Variants in OR51B5 observed in about 807,000 individuals in gnomAD.
OR51B5 encodes olfactory receptor 51B5.
For synonymous variants in OR51B5, 186 were observed against 144.8 expected (o/e 1.28, Z -2.04); for missense variants, 456 against 374.6 (o/e 1.22, Z -1.79).
chr11:5,420,241 C>A lies in OR51B5; in HGVS notation n.85-73331G>T, dbSNP rs533931836. On this transcript the variant is annotated intron_variant and non_coding_transcript_variant, in intron 1 of 4. Coordinates refer to the OR51B5 transcript ENST00000415970. ...GAATCATTTTCCAGAAATTAACATA[C>A]AAATTACACTTAAGAAAGTATGAAT... Among the ~76,000 whole-genome samples, 255 of 152,100 alleles carry A rather than the reference C, an allele frequency of 1.7e-3. 1 individual carries two copies. Among genetic ancestry groups the A allele is most frequent in the African/African-American group, 5.9e-3 (244 of 41,556 alleles).
Position 5,465,577 on chromosome 11 carries a change from C to A in OR51B5, n.84+39992G>T, listed in dbSNP as rs1245329850. 2.0e-5 allele frequency among the ~76,000 whole-genome samples: 3 copies of A among 148,572 alleles called. 1 individual carries two copies. The East Asian group carries it at 5.9e-4, about 29-fold the overall frequency. On this transcript the variant is annotated intron_variant and non_coding_transcript_variant, in intron 1 of 4. Transcript: ENST00000415970. ...AAACTATACTACAAGGCTACAGTAA[C>A]CAAAACAGCATGGTACTGGTACCAA...
chr11:5,489,008 T>C lies in OR51B5; in HGVS notation n.84+16561A>G, dbSNP rs768303436. The C allele has an allele frequency of 1.3e-5, 21 of 1,614,000 alleles. No homozygotes were observed. Among genetic ancestry groups the C allele is most frequent in the Non-Finnish European group, 1.7e-5 (20 of 1,180,014 alleles). ...GGTGAGATTTCCTTTGGTGGATGCC[T>C]GGCCCAGATGTTTTGTGTCCATTCT... On this transcript the variant is annotated intron_variant and non_coding_transcript_variant, in intron 1 of 4. Transcript: ENST00000415970.
At chr11:5,416,422 G>A (rs1698694486) in intron 1 of OR51B5, among the ~76,000 whole-genome samples, 1 of 152,066 alleles carries the variant, frequency 6.6e-6, no homozygotes, top group Admixed American at 6.6e-5. Flanking sequence ...GGAAGTTCTG[G>A]CCAGGGCAAT....
At chr11:5,357,180 C>A (rs559436680) in intron 1 of OR51B5, among the ~76,000 whole-genome samples, 2 of 152,004 alleles carry the variant, frequency 1.3e-5, no homozygotes, top group South Asian at 4.2e-4. Flanking sequence ...CACAGACGGG[C>A]AAATTAGATA....
In OR51B5 at chr11:5,438,358, C is replaced by CG. The variant is rs1240355722; in HGVS notation, n.84+67210_84+67211insC. 4.6e-5 allele frequency among the ~76,000 whole-genome samples: 7 copies of CG among 151,430 alleles called. No homozygotes were observed. The East Asian group carries it at 1.4e-3, about 30-fold the overall frequency. ...ATTCTCCAAACTTCATAGCAACACC[C>CG]CCCCCCAGTTATCCAGTCTCAAAAG... On this transcript the variant is annotated intron_variant and non_coding_transcript_variant, in intron 1 of 4. Transcript: ENST00000415970.
chr11:5,422,109 A>G (rs1363299654), intron 1 of OR51B5: 4 of 1,005,530 alleles, frequency 4.0e-6, no homozygotes, highest in African/African-American at 1.6e-5. Flanking sequence ...TTTGTGTAGA[A>G]TTTGGATTAA....
intron 1 of OR51B5, among the ~76,000 whole-genome samples, chr11:5,470,907 AAATT>A (rs1293055788): frequency 4.6e-5 from 7 of 152,196 alleles, no homozygotes; most frequent in Non-Finnish European, 1.0e-4. Context: ...CAAAGCAACC[AAATT>A]ATTTGTTTTT....
At chr11:5,388,009 C>A (rs756936248) in intron 1 of OR51B5, among the ~76,000 whole-genome samples, 6 of 151,980 alleles carry the variant, frequency 3.9e-5, no homozygotes, top group Non-Finnish European at 4.4e-5. Flanking sequence ...ATGGTAAAAA[C>A]CACAATTACT....
chr11:5,363,075 A>T (rs918769298), intron 1 of OR51B5, among the ~76,000 whole-genome samples: 4 of 152,206 alleles, frequency 2.6e-5, no homozygotes, highest in East Asian at 3.9e-4. Context: ...TGTGCTAAGT[A>T]GATGTCTGAG....
At chr11:5,411,940 C>G (rs1850154704) in intron 1 of OR51B5, among the ~76,000 whole-genome samples, 1 of 152,190 alleles carries the variant, frequency 6.6e-6, no homozygotes, top group Non-Finnish European at 1.5e-5. Flanking sequence ...CTTGAGAAAG[C>G]AAGGTGGTCC....
intron 1 of OR51B5, among the ~76,000 whole-genome samples, chr11:5,494,492 G>A (rs1260066089): frequency 1.3e-5 from 2 of 152,128 alleles, no homozygotes; most frequent in Non-Finnish European, 2.9e-5. Flanking sequence ...CTTTCTGGAG[G>A]AGCTGACATC....
At chr11:5,342,499 C>T (rs1424198794), downstream of OR51B5, 15 of 1,464,446 alleles carry the variant, frequency 1.0e-5, no homozygotes, top group Non-Finnish European at 1.4e-5. Flanking sequence ...GTCATATGAG[C>T]ATGCATGCTA....
intron 1 of OR51B5, among the ~76,000 whole-genome samples, chr11:5,483,508 TAAAA>T (rs373550440): frequency 3.1e-5 from 3 of 96,674 alleles, no homozygotes; most frequent in African/African-American, 1.2e-4. Flanking sequence ...AAAGTATAAT[TAAAA>T]AAAAAAGAAA....
At chr11:5,342,912 A>G in exon 1 of OR51B5, 1 of 1,613,976 alleles carries the variant, frequency 6.2e-7, no homozygotes, top group Non-Finnish European at 8.5e-7. Context: ...TCCAGCACAA[A>G]TATAAAGACT....
At chr11:5,394,523 G>T in intron 1 of OR51B5, among the ~76,000 whole-genome samples, 1 of 152,042 alleles carries the variant, frequency 6.6e-6, no homozygotes. Flanking sequence ...CAACTATCCC[G>T]TTATTTAATA....
chr11:5,384,854 AACAGGCATGTTTACAGATG>A (rs1428030548), intron 1 of OR51B5, among the ~76,000 whole-genome samples: 2 of 152,152 alleles, frequency 1.3e-5, no homozygotes, highest in Non-Finnish European at 2.9e-5. Context: ...TCCTACTAAA[AACAGGCATGTTTACAGATG>A]AGTTTGACCA....
intron 1 of OR51B5, among the ~76,000 whole-genome samples, chr11:5,421,890 G>A (rs759347984): frequency 3.9e-5 from 6 of 152,162 alleles, no homozygotes; most frequent in Non-Finnish European, 8.8e-5. Flanking sequence ...TTGTATGAAA[G>A]GCTGATTTAA....
intron 1 of OR51B5, among the ~76,000 whole-genome samples, chr11:5,453,104 T>C (rs758137016): frequency 3.0e-4 from 45 of 152,240 alleles, no homozygotes; most frequent in Non-Finnish European, 5.6e-4. Context: ...CTCCTGACTT[T>C]CTTCTCTTGT....
intron 1 of OR51B5, among the ~76,000 whole-genome samples, chr11:5,401,617 T>C (rs184309563): frequency 3.4e-4 from 52 of 152,348 alleles, no homozygotes; most frequent in Non-Finnish European, 6.3e-4. Context: ...GCTATAGACC[T>C]TGTCTTTGTA....
Sources: gnomAD v4.1 joint callset for allele counts (sites outside exome capture counted in the v4.1 genomes callset) on GRCh38, gnomAD v4.1.1 for gene constraint, MANE v1.5 for transcripts, NCBI Gene and HGNC (gene_info 2026-07-23, HGNC 2026-07-21) for gene names.